ABI1: variants seen among roughly 807,000 people sequenced by gnomAD.
The protein encoded by ABI1 is abl interactor 1, also known as Abelson interactor 1.
In ABI1, 14 loss-of-function variants were observed where a neutral mutation model predicts 54.6. That is an observed-to-expected ratio of 0.26 (90% confidence interval 0.17 to 0.40). The LOEUF is 0.40. Ranked by LOEUF, ABI1 falls within the 10% of genes least tolerant of loss-of-function variation. ABI1 has a pLI of 1.00. For missense variants in ABI1, 443 were observed against 598.3 expected, an observed-to-expected ratio of 0.74 and a Z score of 2.71; for synonymous variants, 194 against 209.3, an observed-to-expected ratio of 0.93 and a Z score of 0.63.
chr10:26,835,625 C>A (rs1472721740), intron 1 of ABI1, among the ~76,000 whole-genome samples: 1 of 151,666 alleles, frequency 6.6e-6, no homozygotes, highest in Non-Finnish European at 1.5e-5. Flanking sequence ...TACACACACA[C>A]ACACACACAC....
In ABI1 at chr10:26,822,258, T is replaced by A. The variant is rs374868973; in HGVS notation, c.285+880A>T. ...CACCACCCATTCCTGATAAGAACAC[T>A]CAGCAAACTAAGACTAAGTGGTATA... is the stretch of plus-strand genomic sequence containing the variant. On this transcript the variant is annotated intron_variant, in intron 2 of 10. Coordinates refer to ENST00000376140, the MANE Select transcript of ABI1 (RefSeq NM_001012750.3). Among the ~76,000 whole-genome samples the A allele has an allele frequency of 1.5e-4, 23 of 152,238 alleles. 1 individual carries two copies. The East Asian group carries it at 2.3e-3, about 15-fold the overall frequency.
Position 26,748,488 on chromosome 10 carries a change from CATATT to C in ABI1, c.*77_*81del. 1 of 1,031,884 alleles carries C rather than the reference CATATT, an allele frequency of 9.7e-7. No homozygotes were observed. Among genetic ancestry groups the C allele is most frequent in the Non-Finnish European group, 1.4e-6 (1 of 739,676 alleles). 63.9% of individuals were successfully genotyped at this position (1,031,884 alleles called of 1,614,324 possible). A position where few individuals can be genotyped will look rare whatever the true frequency, so the allele number is the denominator to read the frequency against. ...CTGAAAATATGGGCACATTTTAAAA[CATATT>C]AAGACAGTTCTGTTAACCATAATAG... On this transcript the variant is annotated 3_prime_UTR_variant, in exon 11 of 11. Transcript: ENST00000376140.
In ABI1 at chr10:26,787,799, C is replaced by T. The variant is rs144137199; in HGVS notation, c.286-10558G>A. On this transcript the variant is annotated intron_variant, in intron 2 of 10. Transcript: ENST00000376140. ...TATATGAGAGTCAAAATCAGAGTAA[C>T]CCCAGTTGAGAAGAACTAGATGGCC... 8.1e-3 allele frequency among the ~76,000 whole-genome samples: 1,225 copies of T among 151,484 alleles called. 5 individuals are homozygous for T. The highest frequency in any genetic ancestry group is 0.012 in the Non-Finnish European group (840 of 67,916).
At chr10:26,760,610 C>T (rs1346574377) in intron 7 of ABI1, among the ~76,000 whole-genome samples, 1 of 152,128 alleles carries the variant, frequency 6.6e-6, no homozygotes, top group Non-Finnish European at 1.5e-5. Context: ...CCTTTAAGGG[C>T]CAGGTGCAGT....
At position 26,747,013 on chromosome 10, in the gene ABI1, C is replaced by T. The variant is rs1231701503; in HGVS notation, c.*1557G>A. On this transcript the variant is annotated 3_prime_UTR_variant, in exon 11 of 11. Coordinates refer to ENST00000376140, the MANE Select transcript of ABI1 (RefSeq NM_001012750.3). Reference sequence around the variant, plus strand: ...AAAGTAGAAGGTAGCTAGCTGATCACTAATGATACTTTGTTTGTTTAAAAT... The same window carrying T: ...AAAGTAGAAGGTAGCTAGCTGATCATTAATGATACTTTGTTTGTTTAAAAT... The T allele has an allele frequency of 4.4e-6, 1 of 226,264 alleles. No individual in the cohort carries two copies. Among genetic ancestry groups the T allele is most frequent in the African/African-American group, 2.3e-5 (1 of 44,404 alleles). 14.0% of individuals were successfully genotyped at this position (226,264 alleles called of 1,614,324 possible).
intron 2 of ABI1, among the ~76,000 whole-genome samples, chr10:26,794,251 A>T (rs1303560654): frequency 1.3e-5 from 2 of 152,008 alleles, no homozygotes; most frequent in Middle Eastern, 3.2e-3. Context: ...ATAAAAATAA[A>T]AATAATAAAA....
chr10:26,756,461 C>T (rs1174197445), intron 8 of ABI1, among the ~76,000 whole-genome samples: 1 of 152,070 alleles, frequency 6.6e-6, no homozygotes, highest in Non-Finnish European at 1.5e-5. Flanking sequence ...ACCTTTTCAT[C>T]ACTGTTCTGA....
chr10:26,748,506 T>C lies in ABI1; in HGVS notation c.*64A>G. 1 of 1,256,910 alleles carries C rather than the reference T, an allele frequency of 8.0e-7. No homozygotes were observed. Among genetic ancestry groups the C allele is most frequent in the Middle Eastern group, 1.9e-4 (1 of 5,168 alleles). The allele number at this position is 1,256,910 out of a possible 1,614,324, so 77.9% of individuals were successfully genotyped here. ...TTTAAAACATATTAAGACAGTTCTG[T>C]TAACCATAATAGTCCCACAGTATGA... On this transcript the variant is annotated 3_prime_UTR_variant, in exon 11 of 11. Coordinates refer to ENST00000376140, the MANE Select transcript of ABI1 (RefSeq NM_001012750.3).
chr10:26,797,641 C>T (rs946969060), intron 2 of ABI1, among the ~76,000 whole-genome samples: 1 of 152,070 alleles, frequency 6.6e-6, no homozygotes, highest in Admixed American at 6.5e-5. Context: ...AGAAGGAAGG[C>T]AAGGCATGGT....
chr10:26,787,219 T>C (rs961094093), intron 2 of ABI1, among the ~76,000 whole-genome samples: 1 of 152,150 alleles, frequency 6.6e-6, no homozygotes, highest in Non-Finnish European at 1.5e-5. Context: ...ATGGAGATCT[T>C]TACAAAAGAA....
intron 1 of ABI1, among the ~76,000 whole-genome samples, chr10:26,836,677 T>TC (rs2049103517): frequency 1.3e-5 from 2 of 152,102 alleles, no homozygotes; most frequent in Non-Finnish European, 2.9e-5. Flanking sequence ...TAATAGTACC[T>TC]CCCTACCACC....
At chr10:26,771,037 G>GA in intron 4 of ABI1, 38 bp downstream of exon 4, 1 of 1,611,772 alleles carries the variant, frequency 6.2e-7, no homozygotes, top group South Asian at 1.1e-5. Context: ...CAATACAGAG[G>GA]AAATACTGTG....
At chr10:26,825,381 C>A (rs781485697) in intron 1 of ABI1, among the ~76,000 whole-genome samples, 4 of 151,992 alleles carry the variant, frequency 2.6e-5, no homozygotes, top group Admixed American at 6.6e-5. Context: ...TTTTTTTTGG[C>A]CGGGTGCCAT....
At position 26,860,761 on chromosome 10, in the gene ABI1, T is replaced by C. The variant is rs779743261; in HGVS notation, c.103A>G (p.Asn35Asp). 1.2e-6 allele frequency: 2 copies of C among 1,613,840 alleles called. No homozygotes were observed. The part of the protein sequence containing the change: ...NLTRVADYCE[N>D]NYIQATDKRK... ...GAGCGCCTCACCTGTATGTAGTTGT[T>C]TTCACAGTAGTCTGCCACCCGAGTC... is the stretch of plus-strand genomic sequence containing the variant. The change falls in exon 1 of 11, where the codon AAC (asparagine) becomes GAC (aspartate). Residue 35 changes from asparagine (N) to aspartate (D), a missense_variant. Physicochemically the swap from Asn to Asp is conservative, Grantham distance 23. Coordinates refer to ENST00000376140, the MANE Select transcript of ABI1 (RefSeq NM_001012750.3). The surrounding 1 kb of genome is among the most constrained non-coding windows in gnomAD (Gnocchi z 4.1).
chr10:26,831,402 G>A (rs9804217), intron 1 of ABI1, among the ~76,000 whole-genome samples: 38,272 of 151,862 alleles, frequency 0.25, 5,424 homozygotes, highest in South Asian at 0.42. Flanking sequence ...AATTAGCCAG[G>A]AGTGGTCGCA....
intron 7 of ABI1, among the ~76,000 whole-genome samples, chr10:26,760,180 T>G (rs1191653766): frequency 6.6e-6 from 1 of 152,174 alleles, no homozygotes; most frequent in Admixed American, 6.5e-5. Flanking sequence ...AGTGTCATCT[T>G]TCCCAACATT....
chr10:26,859,608 C>G (rs1056487209), intron 1 of ABI1, among the ~76,000 whole-genome samples: 1 of 152,206 alleles, frequency 6.6e-6, no homozygotes, highest in Non-Finnish European at 1.5e-5. Flanking sequence ...CAAACTACCA[C>G]ACACAATTCA....
intron 2 of ABI1, among the ~76,000 whole-genome samples, chr10:26,786,095 G>A (rs1240184750): frequency 6.6e-6 from 1 of 152,114 alleles, no homozygotes; most frequent in Non-Finnish European, 1.5e-5. Context: ...TTTTTATAGT[G>A]AAACAATTCA....
intron 6 of ABI1, among the ~76,000 whole-genome samples, chr10:26,768,451 T>C (rs1840239390): frequency 1.3e-5 from 2 of 150,578 alleles, no homozygotes; most frequent in African/African-American, 4.9e-5. Context: ...GGCAGGAAAA[T>C]CGCTTGAACC....
Sources: allele counts gnomAD v4.1 joint callset (sites outside exome capture counted in the v4.1 genomes callset), GRCh38; gene constraint gnomAD v4.1.1; non-coding constraint Gnocchi (gnomAD v3.1); transcripts MANE v1.5; gene names NCBI Gene and HGNC (gene_info 2026-07-23, HGNC 2026-07-21).